Variants in QSOX1 observed in about 807,000 individuals in gnomAD.
The protein encoded by QSOX1 is sulfhydryl oxidase 1.
Under a neutral mutation model 76.1 loss-of-function variants are expected in QSOX1, and 40 were observed. That is an observed-to-expected ratio of 0.53 (90% CI 0.41 to 0.68). QSOX1 has a LOEUF of 0.68. Ranked by LOEUF, QSOX1 falls within the 30% of genes least tolerant of loss-of-function variation. The pLI, the probability that QSOX1 is intolerant of heterozygous loss-of-function variation, is 0.00. For missense variants in QSOX1, 931 were observed against 974.3 expected (o/e 0.96, Z 0.59); for synonymous variants, 392 against 413.1 (o/e 0.95, Z 0.62).
intron 2 of QSOX1, among the ~76,000 whole-genome samples, chr1:180,167,231 G>A (rs920610002): frequency 2.0e-5 from 3 of 152,230 alleles, no homozygotes; most frequent in African/African-American, 7.2e-5. Context: ...GTTATGGTGA[G>A]GGCCCTCCCC....
chr1:180,178,757 G>A (rs1212152822), intron 4 of QSOX1, 37 bp from the exon 5 acceptor site: 4 of 1,584,384 alleles, frequency 2.5e-6, no homozygotes, highest in Non-Finnish European at 2.6e-6. Flanking sequence ...TATTTCTGCT[G>A]GCTGTGCAGA....
chr1:180,161,425 A>G (rs1388934945), intron 1 of QSOX1, among the ~76,000 whole-genome samples: 1 of 152,242 alleles, frequency 6.6e-6, no homozygotes, highest in East Asian at 1.9e-4. Context: ...CATCATAGGT[A>G]TATTCTCAAG....
At chr1:180,169,591 G>A (rs977505543) in intron 2 of QSOX1, among the ~76,000 whole-genome samples, 1 of 152,242 alleles carries the variant, frequency 6.6e-6, no homozygotes. Flanking sequence ...GTGCCACCAT[G>A]CTAGTGTGAT....
At chr1:180,155,672 C>T (rs3767198) in intron 1 of QSOX1, among the ~76,000 whole-genome samples, 17,996 of 152,262 alleles carry the variant, frequency 0.12, 1,207 homozygotes, top group African/African-American at 0.17. Context: ...TTCTCCACTC[C>T]CTCGACTGGT....
intron 4 of QSOX1, among the ~76,000 whole-genome samples, chr1:180,177,850 C>T (rs374038893): frequency 2.8e-5 from 4 of 144,334 alleles, no homozygotes; most frequent in African/African-American, 7.7e-5. Flanking sequence ...GCATCAATAC[C>T]ATGTTTTTGT....
At position 180,182,350 on chromosome 1, in the gene QSOX1, C is replaced by T. The variant is rs763671430; in HGVS notation, c.752+31C>T. 9.3e-6 allele frequency: 15 copies of T among 1,612,592 alleles called. No individual in the cohort carries two copies. The African/African-American group carries it at 9.3e-5, about 10-fold the overall frequency. The stretch of plus-strand genomic sequence containing the variant: ...TATCCTGTCTCCTGGCGTCCCCTCT[C>T]GTCCCTCCCTGTGCTCATCCTTCCT... On this transcript the variant is annotated intron_variant, in intron 6 of 11. Coordinates refer to ENST00000367602, the MANE Select transcript of QSOX1 (RefSeq NM_002826.5).
chr1:180,157,303 A>C (rs1006755821), intron 1 of QSOX1, among the ~76,000 whole-genome samples: 1 of 152,204 alleles, frequency 6.6e-6, no homozygotes, highest in Admixed American at 6.5e-5. Context: ...ATCTGCTGTC[A>C]GCCTGCAATG....
chr1:180,178,197 C>T (rs1339507636), intron 4 of QSOX1, among the ~76,000 whole-genome samples: 2 of 152,188 alleles, frequency 1.3e-5, no homozygotes, highest in Admixed American at 6.5e-5. Flanking sequence ...TTCCCAGTCC[C>T]CCTCCCCACA....
chr1:180,198,535 C>G lies in QSOX1; in HGVS notation c.*1498C>G. On this transcript the variant is annotated 3_prime_UTR_variant, in exon 12 of 12. Transcript: ENST00000367602. Reference sequence around the variant, plus strand: ...TTCTCTTTGACATCTTCACTCTGCTCAGATGGCCTGGGTGCTATGTGGAGC... The same window carrying G: ...TTCTCTTTGACATCTTCACTCTGCTGAGATGGCCTGGGTGCTATGTGGAGC... The G allele has an allele frequency of 5.1e-6, 2 of 394,056 alleles. No individual in the cohort carries two copies. The highest frequency in any genetic ancestry group is 2.6e-5 in the Admixed American group (1 of 37,870). 24.4% of individuals were successfully genotyped at this position (394,056 alleles called of 1,614,324 possible).
rs2149245486 is a variant in QSOX1, at chr1:180,201,066, A to G, written c.*4029A>G. The G allele has an allele frequency of 6.6e-6, 1 of 152,270 alleles. No individual in the cohort carries two copies. Among genetic ancestry groups the G allele is most frequent in the South Asian group, 2.1e-4 (1 of 4,824 alleles). The allele number at this position is 152,270 out of a possible 1,614,324, so 9.4% of individuals were successfully genotyped here. ...CTCGTTTGAAGGAGGGGAAGAAACC[A>G]GGTTCGTTGGGCGTGACCTTGGCTC... On this transcript the variant is annotated 3_prime_UTR_variant, in exon 12 of 12. Transcript: ENST00000367602.
At chr1:180,189,844 G>A (rs1294659693) in intron 9 of QSOX1, among the ~76,000 whole-genome samples, 170 bp downstream of exon 9, 4 of 152,126 alleles carry the variant, frequency 2.6e-5, no homozygotes, top group African/African-American at 7.2e-5. Context: ...CTCTCTATGC[G>A]CACATCTCAT....
At chr1:180,171,281 G>A (rs932873923) in intron 2 of QSOX1, among the ~76,000 whole-genome samples, 1 of 152,184 alleles carries the variant, frequency 6.6e-6, no homozygotes, top group African/African-American at 2.4e-5. Context: ...CTTTTGAAGA[G>A]GTAACACGGA....
intron 2 of QSOX1, 131 bp from the exon 3 acceptor site, chr1:180,175,190 A>G: frequency 2.5e-6 from 2 of 808,178 alleles, no homozygotes; most frequent in Non-Finnish European, 2.1e-6. Context: ...AAAAAGAAAC[A>G]GGCTCAACAA....
chr1:180,197,817 CTT>C lies in QSOX1; in HGVS notation c.*783_*784del, dbSNP rs2149244580. 3.8e-6 allele frequency: 1 copy of C among 263,472 alleles called. No individual in the cohort carries two copies. Among genetic ancestry groups the C allele is most frequent in the African/African-American group, 2.2e-5 (1 of 44,816 alleles). The allele number at this position is 263,472 out of a possible 1,614,324, so 16.3% of individuals were successfully genotyped here. ...GAGCTCTGCTCCCTCTGAGCCTGGT[CTT>C]TTGTCCTTTTTTATTTTGGTCTCCA... On this transcript the variant is annotated 3_prime_UTR_variant, in exon 12 of 12. Transcript: ENST00000367602.
Position 180,198,106 on chromosome 1 carries a change from C to A in QSOX1, c.*1069C>A. On this transcript the variant is annotated 3_prime_UTR_variant, in exon 12 of 12. Transcript: ENST00000367602. ...TCTGGACAGAATGCACAGAGACCAG[C>A]CTCACCTGGAATGCAGCCAGACTCG... 2.2e-6 allele frequency: 1 copy of A among 448,212 alleles called. No individual in the cohort carries two copies. The highest frequency in any genetic ancestry group is 4.5e-6 in the Non-Finnish European group (1 of 220,636). 27.8% of individuals were successfully genotyped at this position (448,212 alleles called of 1,614,324 possible).
At chr1:180,188,398 T>G (rs1663225852) in intron 8 of QSOX1, among the ~76,000 whole-genome samples, 1 of 152,250 alleles carries the variant, frequency 6.6e-6, no homozygotes, top group African/African-American at 2.4e-5. Context: ...GTTTCCTTGC[T>G]CCCAGTTGTC....
chr1:180,167,158 G>A (rs1476746393), intron 2 of QSOX1, among the ~76,000 whole-genome samples: 1 of 152,222 alleles, frequency 6.6e-6, no homozygotes, highest in Non-Finnish European at 1.5e-5. Context: ...ATTAACGTCT[G>A]AACAGCTTCC....
intron 2 of QSOX1, among the ~76,000 whole-genome samples, chr1:180,167,384 G>C (rs139829478): frequency 6.6e-6 from 1 of 152,296 alleles, no homozygotes; most frequent in East Asian, 1.9e-4. Flanking sequence ...TTCTTCTGTA[G>C]CCATTAAGGA....
At chr1:180,159,215 C>T (rs1025383176) in intron 1 of QSOX1, among the ~76,000 whole-genome samples, 1 of 152,224 alleles carries the variant, frequency 6.6e-6, no homozygotes, top group Non-Finnish European at 1.5e-5. Context: ...AGAAAAATTA[C>T]GCTGTTCAGA....
Sources: gnomAD v4.1 joint callset for allele counts (sites outside exome capture counted in the v4.1 genomes callset) on GRCh38, gnomAD v4.1.1 for gene constraint, MANE v1.5 for transcripts, NCBI Gene and HGNC (gene_info 2026-07-23, HGNC 2026-07-21) for gene names.